RPS6KA6: variants seen among roughly 807,000 people sequenced by gnomAD.
RPS6KA6 encodes the protein ribosomal protein S6 kinase A6.
Under a neutral mutation model 65.4 loss-of-function variants are expected in RPS6KA6, and 27 were observed. That is an observed-to-expected ratio of 0.41 (90% confidence interval 0.30 to 0.57). The LOEUF (loss-of-function observed/expected upper bound fraction) is 0.57, where lower values mean the gene tolerates loss of function less well. Ranked by LOEUF, RPS6KA6 falls within the 20% of genes least tolerant of loss-of-function variation. The pLI is 0.24. For missense variants in RPS6KA6, 486 were observed against 555.6 expected (o/e 0.87, Z 1.26); for synonymous variants, 190 against 184.2 (o/e 1.03, Z -0.26).
At position 84,059,109 on chromosome X, in the gene RPS6KA6, C is replaced by CTTTTTTT. The variant is rs2033256975; in HGVS notation, c.*5167_*5168insAAAAAAA. The CTTTTTTT allele has an allele frequency of 4.5e-5, 1 of 22,452 alleles. No individual in the cohort carries two copies. The highest frequency in any genetic ancestry group is 1.5e-4 in the African/African-American group (1 of 6,499). 1.9% of individuals were successfully genotyped at this position (22,452 alleles called of 1,213,427 possible). ...TGTGTAACTTTTTAAATGGCTGTTTCTTTTCTTTTTTTTTTTTTTTTTTTT... is the reference window on the plus strand; with the variant it reads ...TGTGTAACTTTTTAAATGGCTGTTTCTTTTTTTTTTTCTTTTTTTTTTTTTTTTTTTT... On this transcript the variant is annotated 3_prime_UTR_variant, in exon 22 of 22. Transcript: ENST00000262752.
chrX:84,175,714 T>A (rs193135059), intron 1 of RPS6KA6, among the ~76,000 whole-genome samples: 215 of 111,667 alleles, frequency 1.9e-3, no homozygotes, highest in Non-Finnish European at 3.1e-3. Context: ...ACCAAAATAT[T>A]TTTAAAAATC....
At chrX:84,157,617 C>T (rs1184107723) in intron 2 of RPS6KA6, among the ~76,000 whole-genome samples, 1 of 110,859 alleles carries the variant, frequency 9.0e-6, no homozygotes, top group Non-Finnish European at 1.9e-5. Flanking sequence ...AGTTTTCTCA[C>T]ATGACAAAGG....
rs772358813 is a variant in RPS6KA6, at chrX:84,096,183, A to C, written c.1971+11T>G. ...CATGAATGCAACAAAACAAAACATT[A>C]TAATTTATACCTTTGCTCCGTCTGA... On this transcript the variant is annotated intron_variant, in intron 20 of 21. Transcript: ENST00000262752. The C allele has an allele frequency of 7.5e-6, 8 of 1,066,265 alleles. No individual in the cohort carries two copies. The highest frequency in any genetic ancestry group is 2.2e-5 in the Admixed American group (1 of 45,487). 87.9% of individuals were successfully genotyped at this position (1,066,265 alleles called of 1,213,427 possible).
chrX:84,155,451 C>T (rs1329680244), intron 3 of RPS6KA6, among the ~76,000 whole-genome samples: 1 of 111,437 alleles, frequency 9.0e-6, no homozygotes, highest in Admixed American at 9.6e-5. Context: ...AGGAACCAGA[C>T]CTATACACTT....
Position 84,117,456 on chromosome X carries a change from TA to T in RPS6KA6, c.790-3del. On this transcript the variant is annotated splice_polypyrimidine_tract_variant and splice_region_variant and intron_variant, in intron 9 of 21. Transcript: ENST00000262752. ...CAGAGTACCAGTAAGCATTTCAAAC[TA>T]AAACAAACAAACAAAACACACCACA... 8.8e-7 allele frequency: 1 copy of T among 1,132,624 alleles called. No homozygotes were observed. The highest frequency in any genetic ancestry group is 1.2e-6 in the Non-Finnish European group (1 of 841,791). The allele number at this position is 1,132,624 out of a possible 1,213,427, so 93.3% of individuals were successfully genotyped here.
At chrX:84,094,030 G>A (rs1448601637) in intron 20 of RPS6KA6, among the ~76,000 whole-genome samples, 1 of 108,232 alleles carries the variant, frequency 9.2e-6, no homozygotes, top group Non-Finnish European at 1.9e-5. Context: ...CACCATCAGC[G>A]TTTTCTTTTT....
chrX:84,187,169 G>C (rs1383298543), intron 1 of RPS6KA6, among the ~76,000 whole-genome samples: 1 of 111,722 alleles, frequency 9.0e-6, no homozygotes, highest in Non-Finnish European at 1.9e-5. Flanking sequence ...GGTGGAGCAA[G>C]AGTGCAGTAG....
Position 84,064,003 on chromosome X carries a change from G to GA in RPS6KA6, c.*273dup, listed in dbSNP as rs770635843. On this transcript the variant is annotated 3_prime_UTR_variant, in exon 22 of 22. Transcript: ENST00000262752. The stretch of plus-strand genomic sequence containing the variant: ...ATATTAAAGTAACTTTATTTGAAAG[G>GA]AATTTTAGAAGCTTGTGTGCAGAGA... 9 of 234,676 alleles carry GA rather than the reference G, an allele frequency of 3.8e-5. No individual in the cohort carries two copies. Among genetic ancestry groups the GA allele is most frequent in the Non-Finnish European group, 6.8e-5 (9 of 133,331 alleles). 19.3% of individuals were successfully genotyped at this position (234,676 alleles called of 1,213,427 possible).
At position 84,107,045 on chromosome X, in the gene RPS6KA6, T is replaced by C; in HGVS notation, c.1112-5A>G. Reference sequence around the variant, plus strand: ...TGGCTGGCAAACCGGGAGAATCTAATGTCCAAATAATTACATTTAATTATA... The same window carrying C: ...TGGCTGGCAAACCGGGAGAATCTAACGTCCAAATAATTACATTTAATTATA... On this transcript the variant is annotated splice_region_variant and splice_polypyrimidine_tract_variant and intron_variant, in intron 13 of 21. Coordinates refer to ENST00000262752, the MANE Select transcript of RPS6KA6 (RefSeq NM_014496.5). 1 of 1,183,985 alleles carries C rather than the reference T, an allele frequency of 8.4e-7. No homozygotes were observed.
At chrX:84,064,870 G>A in intron 21 of RPS6KA6, 101 bp downstream of exon 21, 1 of 597,506 alleles carries the variant, frequency 1.7e-6, no homozygotes, top group Non-Finnish European at 2.5e-6. Flanking sequence ...AAAAAATAAA[G>A]ATATTTTAAG....
chrX:84,137,365 A>T (rs1172816151), intron 6 of RPS6KA6, among the ~76,000 whole-genome samples: 1 of 111,869 alleles, frequency 8.9e-6, no homozygotes, highest in African/African-American at 3.2e-5. Flanking sequence ...CCCCTTCTTG[A>T]CATTTAGGTT....
chrX:84,147,275 G>A (rs1211695587), intron 4 of RPS6KA6, among the ~76,000 whole-genome samples: 2 of 111,870 alleles, frequency 1.8e-5, no homozygotes, highest in Non-Finnish European at 3.8e-5. Context: ...AAACAGGTAT[G>A]TAGCTAATAT....
At position 84,063,037 on chromosome X, in the gene RPS6KA6, G is replaced by A. The variant is rs186232729; in HGVS notation, c.*1240C>T. ...ATTCTTTAGCATTTCATCATTTAGA[G>A]AAAAGAATACATACTACACAGTGGT... On this transcript the variant is annotated 3_prime_UTR_variant, in exon 22 of 22. Coordinates refer to ENST00000262752, the MANE Select transcript of RPS6KA6 (RefSeq NM_014496.5). 41 of 110,608 alleles carry A rather than the reference G, an allele frequency of 3.7e-4. No homozygotes were observed. Among genetic ancestry groups the A allele is most frequent in the Admixed American group, 2.9e-4 (3 of 10,257 alleles). 9.1% of individuals were successfully genotyped at this position (110,608 alleles called of 1,213,427 possible). A position where few individuals can be genotyped will look rare whatever the true frequency, so the allele number is the denominator to read the frequency against.
chrX:84,180,886 G>A (rs781528126), intron 1 of RPS6KA6, among the ~76,000 whole-genome samples: 1 of 111,555 alleles, frequency 9.0e-6, no homozygotes, highest in East Asian at 2.8e-4. Context: ...AATTCCAGAC[G>A]TATTTCCTAC....
intron 1 of RPS6KA6, among the ~76,000 whole-genome samples, chrX:84,179,284 T>G (rs748454338): frequency 9.0e-6 from 1 of 111,445 alleles, no homozygotes; most frequent in Admixed American, 9.5e-5. Context: ...TGGCAAGTAC[T>G]CAGAGCAGCT....
chrX:84,161,550 G>A (rs1029550735), intron 2 of RPS6KA6, among the ~76,000 whole-genome samples: 5 of 111,032 alleles, frequency 4.5e-5, no homozygotes, highest in Non-Finnish European at 7.6e-5. Flanking sequence ...AGAATAGAAA[G>A]ACAAATAGAG....
At chrX:84,183,542 G>A (rs2035887465) in intron 1 of RPS6KA6, among the ~76,000 whole-genome samples, 1 of 111,101 alleles carries the variant, frequency 9.0e-6, no homozygotes, top group Non-Finnish European at 1.9e-5. Flanking sequence ...CCCTTAAACT[G>A]GCTTAAAAAG....
chrX:84,116,920 T>A (rs1182618376), intron 11 of RPS6KA6, 140 bp downstream of exon 11: 2 of 399,569 alleles, frequency 5.0e-6, no homozygotes, highest in Admixed American at 5.2e-5. Flanking sequence ...CAGAGTTTAC[T>A]TTGTCTGAAA....
In RPS6KA6 at chrX:84,084,495, G is replaced by C. The variant is rs373075990; in HGVS notation, c.1971+11699C>G. Among the ~76,000 whole-genome samples the C allele has an allele frequency of 5.4e-5, 6 of 111,816 alleles. No individual in the cohort carries two copies. In the East Asian group the frequency reaches 1.7e-3, roughly 31 times the overall value. ...CTTTCCCCATTGCTTGTTTTTCTCA[G>C]GTTTGTCAAAGATCAGATGGTTGTA... On this transcript the variant is annotated intron_variant, in intron 20 of 21. Coordinates refer to ENST00000262752, the MANE Select transcript of RPS6KA6 (RefSeq NM_014496.5).
Sources: allele counts gnomAD v4.1 joint callset (sites outside exome capture counted in the v4.1 genomes callset), GRCh38; gene constraint gnomAD v4.1.1; transcripts MANE v1.5; gene names NCBI Gene and HGNC (gene_info 2026-07-23, HGNC 2026-07-21).